The following CDH10 variants were observed in gnomAD, a reference collection of about 807,000 sequenced individuals.
CDH10 encodes the protein cadherin-10.
Under a neutral mutation model 73.1 loss-of-function variants are expected in CDH10, and 30 were observed. The ratio of observed to expected loss-of-function variants is 0.41; its 90% CI spans 0.31 to 0.56. The LOEUF (loss-of-function observed/expected upper bound fraction) is 0.56, where lower values mean the gene tolerates loss of function less well. Among genes scored for constraint, CDH10 ranks in the 20% least tolerant of loss-of-function variants. The pLI, the probability that CDH10 is intolerant of heterozygous loss-of-function variation, is 0.27. For synonymous variants in CDH10, 345 were observed against 348.2 expected (o/e 0.99, Z 0.10); for missense variants, 815 against 973.7 (o/e 0.84, Z 2.17).
Position 24,606,504 on chromosome 5 carries a change from G to A in CDH10, c.-123-12891C>T, listed in dbSNP as rs184231449. ...CATGTCCCTGTAATCCCAGCTACTT[G>A]AGAGGCTGAGGCAGGAGAATCGCTT... On this transcript the variant is annotated intron_variant, in intron 1 of 11. Coordinates refer to ENST00000264463, the MANE Select transcript of CDH10 (RefSeq NM_006727.5). 9.3e-3 allele frequency among the ~76,000 whole-genome samples: 1,409 copies of A among 152,138 alleles called. 19 individuals carry two copies. The highest frequency in any genetic ancestry group is 0.032 in the African/African-American group (1,325 of 41,500).
chr5:24,572,935 G>GAAAAAAAAAAAAAAAAAAAAAAGAAAAAA (rs55946839), intron 2 of CDH10, among the ~76,000 whole-genome samples: 1 of 72,114 alleles, frequency 1.4e-5, no homozygotes, highest in African/African-American at 5.5e-5. Context: ...CTTAGAAAAA[G>GAAAAAAAAAAAAAAAAAAAAAAGAAAAAA]AAAAAAAAAA....
intron 9 of CDH10, 79 bp from the exon 10 acceptor site, chr5:24,493,004 T>A (rs374648548): frequency 1.5e-6 from 1 of 672,358 alleles, no homozygotes; most frequent in African/African-American, 1.8e-5. Context: ...CTTCATTTTG[T>A]CTGAAGTTGT....
rs536819462 is a variant in CDH10, at chr5:24,584,397, CAA to C, written c.231+8861_231+8862del. 7.0e-3 allele frequency among the ~76,000 whole-genome samples: 976 copies of C among 139,604 alleles called. 12 individuals carry two copies. Among genetic ancestry groups the C allele is most frequent in the African/African-American group, 0.024 (923 of 38,282 alleles). The allele number at this position is 139,604 out of a possible 152,430, so 91.6% of individuals were successfully genotyped here. A position where few individuals can be genotyped will look rare whatever the true frequency, so the allele number is the denominator to read the frequency against. ...AGTTATATTTAATTACAATTTTTAA[CAA>C]AAAGAGTGAGCTCACCTGATGTTCA... On this transcript the variant is annotated intron_variant, in intron 2 of 11. Transcript: ENST00000264463.
chr5:24,499,199 T>C (rs1403448757), intron 8 of CDH10: 1 of 152,564 alleles, frequency 6.6e-6, no homozygotes, highest in East Asian at 1.9e-4. Context: ...AGTTGGGAAA[T>C]TTATGATGAA....
intron 5 of CDH10, among the ~76,000 whole-genome samples, chr5:24,526,137 C>T (rs530134169): frequency 9.9e-5 from 15 of 151,914 alleles, no homozygotes; most frequent in Non-Finnish European, 1.9e-4. Flanking sequence ...ACTGGTTTTA[C>T]ATCTATATTT....
chr5:24,606,323 A>G (rs1012022144), intron 1 of CDH10, among the ~76,000 whole-genome samples: 3 of 152,152 alleles, frequency 2.0e-5, no homozygotes, highest in Admixed American at 6.5e-5. Context: ...TAAGATGACT[A>G]TTACAGGCCT....
intron 1 of CDH10, among the ~76,000 whole-genome samples, chr5:24,597,512 C>T (rs943410245): frequency 1.3e-5 from 2 of 152,086 alleles, no homozygotes; most frequent in Non-Finnish European, 2.9e-5. Context: ...TCTAAGTACT[C>T]TAAGGCCTTT....
intron 5 of CDH10, among the ~76,000 whole-genome samples, chr5:24,522,353 T>C (rs1391916882): frequency 6.6e-6 from 1 of 152,116 alleles, no homozygotes; most frequent in Non-Finnish European, 1.5e-5. Flanking sequence ...TCAATGAAGA[T>C]GGTTTTAGAT....
chr5:24,545,595 T>G (rs1744309782), intron 2 of CDH10, among the ~76,000 whole-genome samples: 1 of 152,032 alleles, frequency 6.6e-6, no homozygotes, highest in African/African-American at 2.4e-5. Context: ...CAGAAGGATC[T>G]TTTGAGGCCA....
chr5:24,554,505 T>C (rs1232637259), intron 2 of CDH10, among the ~76,000 whole-genome samples: 4 of 72,084 alleles, frequency 5.5e-5, no homozygotes, highest in Admixed American at 4.1e-4. Flanking sequence ...TGTGTGTGTG[T>C]GTGTGTGTGT....
At position 24,535,835 on chromosome 5, in the gene CDH10, A is replaced by G. The variant is rs1743930479; in HGVS notation, c.527-13T>C. The G allele has an allele frequency of 6.2e-7, 1 of 1,603,714 alleles. No individual in the cohort carries two copies. Among genetic ancestry groups the G allele is most frequent in the Non-Finnish European group, 8.5e-7 (1 of 1,173,604 alleles). On this transcript the variant is annotated splice_polypyrimidine_tract_variant and intron_variant, in intron 3 of 11. Coordinates refer to ENST00000264463, the MANE Select transcript of CDH10 (RefSeq NM_006727.5). The stretch of plus-strand genomic sequence containing the variant: ...ACCACAGAAGTACCTGAAGTATCCA[A>G]ATTCAGCTTAGTTCTGCACAGTACC...
intron 2 of CDH10, among the ~76,000 whole-genome samples, chr5:24,548,724 G>T (rs1455812470): frequency 6.6e-6 from 1 of 151,874 alleles, no homozygotes; most frequent in Non-Finnish European, 1.5e-5. Context: ...CAAATAATCT[G>T]ATAAACAAAA....
chr5:24,504,527 T>C (rs1242239352), intron 8 of CDH10, among the ~76,000 whole-genome samples: 1 of 128,610 alleles, frequency 7.8e-6, no homozygotes, highest in Non-Finnish European at 1.7e-5. Context: ...TTTTTTTTTT[T>C]TTTTTTTTTT....
intron 2 of CDH10, among the ~76,000 whole-genome samples, chr5:24,538,442 C>T (rs1261954471): frequency 6.6e-6 from 1 of 152,072 alleles, no homozygotes; most frequent in Non-Finnish European, 1.5e-5. Flanking sequence ...GAGCCTGTAA[C>T]ATAACCACAC....
At chr5:24,528,426 A>G (rs951775380) in intron 5 of CDH10, among the ~76,000 whole-genome samples, 3 of 151,908 alleles carry the variant, frequency 2.0e-5, no homozygotes, top group African/African-American at 7.2e-5. Context: ...TTACAAAGTG[A>G]AAATCAGCAC....
intron 5 of CDH10, among the ~76,000 whole-genome samples, chr5:24,520,841 C>T (rs1489163947): frequency 2.0e-5 from 3 of 152,076 alleles, no homozygotes; most frequent in Non-Finnish European, 4.4e-5. Context: ...ATTCTCCCAT[C>T]TCAGTCTCCC....
intron 1 of CDH10, among the ~76,000 whole-genome samples, chr5:24,620,382 T>A (rs564538756): frequency 6.6e-6 from 1 of 152,218 alleles, no homozygotes; most frequent in African/African-American, 2.4e-5. Context: ...AGAAAAAAAA[T>A]TATTAAAAAG....
Position 24,515,522 on chromosome 5 carries a change from G to A in CDH10, c.815-4008C>T, listed in dbSNP as rs572877484. Reference sequence around the variant, plus strand: ...AGTAAGTTCATTTAAAAATGTTTCCGTTTACAATCACTTATGTAAAGTTTA... The same window carrying A: ...AGTAAGTTCATTTAAAAATGTTTCCATTTACAATCACTTATGTAAAGTTTA... On this transcript the variant is annotated intron_variant, in intron 5 of 11. Coordinates refer to ENST00000264463, the MANE Select transcript of CDH10 (RefSeq NM_006727.5). Among the ~76,000 whole-genome samples the A allele has an allele frequency of 5.3e-5, 8 of 152,224 alleles. No homozygotes were observed. The East Asian group carries it at 7.7e-4, about 15-fold the overall frequency.
At chr5:24,644,384 TG>T (rs1748147824) in intron 1 of CDH10, among the ~76,000 whole-genome samples, 1 of 152,192 alleles carries the variant, frequency 6.6e-6, no homozygotes, top group Non-Finnish European at 1.5e-5. Flanking sequence ...AGCTTTACAT[TG>T]CCTATATAGA....
Sources: gnomAD v4.1 joint callset for allele counts (sites outside exome capture counted in the v4.1 genomes callset) on GRCh38, gnomAD v4.1.1 for gene constraint, MANE v1.5 for transcripts, NCBI Gene and HGNC (gene_info 2026-07-23, HGNC 2026-07-21) for gene names.